The following MED1 variants were observed in gnomAD, a reference collection of about 807,000 sequenced individuals.
MED1 encodes the protein mediator of RNA polymerase II transcription subunit 1.
Under a neutral mutation model 121.3 loss-of-function variants are expected in MED1, and 17 were observed. The observed-to-expected ratio is 0.14, with a 90% confidence interval of 0.10 to 0.21. MED1 has a LOEUF of 0.21. Ranked by LOEUF, MED1 falls within the 10% of genes least tolerant of loss-of-function variation. The pLI, the probability that MED1 is intolerant of heterozygous loss-of-function variation, is 1.00. For synonymous variants in MED1, 661 were observed against 694.4 expected (o/e 0.95, Z 0.76); for missense variants, 1,558 against 1,919.4 (o/e 0.81, Z 3.52).
In MED1 at chr17:39,408,124, G is replaced by A. The variant is rs778850350; in HGVS notation, c.4097C>T (p.Ser1366Phe). 2 of 1,614,096 alleles carry A rather than the reference G, an allele frequency of 1.2e-6. No homozygotes were observed. Among genetic ancestry groups the A allele is most frequent in the South Asian group, 1.1e-5 (1 of 91,082 alleles). Reference protein sequence around the residue: ...EKSDKDKSKVSTSGSSVDSSK... With the variant: ...EKSDKDKSKVFTSGSSVDSSK... ...AGAATCCACTGAACTCCCGGAGGTG[G>A]AAACCTTTGATTTGTCTTTATCACT... The change falls in exon 17 of 17, where the codon TCC becomes TTC. Residue 1366 changes from serine (S) to phenylalanine (F), a missense_variant. Ser to Phe is a radical substitution (Grantham distance 155). Around this residue, in one of 5 missense-constraint regions of MED1, gnomAD observed 264 missense variants for 326.1 expected, o/e 0.81. Coordinates refer to ENST00000300651, the MANE Select transcript of MED1 (RefSeq NM_004774.4). This position sits in a 1 kb window ranked among gnomAD's most constrained non-coding sequence, Gnocchi z 4.7.
chr17:39,418,107 A>AAAAAAAAAC, intron 14 of MED1, among the ~76,000 whole-genome samples: 1 of 151,510 alleles, frequency 6.6e-6, no homozygotes, highest in Non-Finnish European at 1.5e-5. Flanking sequence ...AAAAAAAAAA[A>AAAAAAAAAC]AAATTCATCA....
chr17:39,449,145 T>G (rs373745351), intron 1 of MED1, among the ~76,000 whole-genome samples: 1 of 152,028 alleles, frequency 6.6e-6, no homozygotes, highest in East Asian at 1.9e-4. Flanking sequence ...CAGGATCAAG[T>G]GATCCTCCCA....
At chr17:39,412,616 G>A (rs1334460864) in intron 16 of MED1, among the ~76,000 whole-genome samples, 4 of 144,354 alleles carry the variant, frequency 2.8e-5, no homozygotes, top group African/African-American at 7.8e-5. Flanking sequence ...TTGGCTTACC[G>A]CAACTTCCGC....
rs373986057 is a variant in MED1 at position 39,415,402 on chromosome 17, G to A, written c.1298-63C>T. ...ATAAGACTTCACACAGGCTGGGCAC[G>A]GTGGCTCACGCCTGTAATCCCAGCA... is the stretch of plus-strand genomic sequence containing the variant. On this transcript the variant is annotated intron_variant, in intron 14 of 16. Transcript: ENST00000300651. The A allele has an allele frequency of 4.5e-4, 633 of 1,405,546 alleles. 1 individual carries two copies. The highest frequency in any genetic ancestry group is 6.7e-4 in the South Asian group (54 of 81,186). The allele number at this position is 1,405,546 out of a possible 1,614,324, so 87.1% of individuals were successfully genotyped here. A position where few individuals can be genotyped will look rare whatever the true frequency, so the allele number is the denominator to read the frequency against.
At chr17:39,448,037 T>G in intron 1 of MED1, 133 bp from the exon 2 acceptor site, 1 of 605,306 alleles carries the variant, frequency 1.7e-6, no homozygotes, top group Non-Finnish European at 2.9e-6. Context: ...TCATTTTACT[T>G]CAAAACATCC....
chr17:39,434,003 A>G (rs572096022), intron 7 of MED1, among the ~76,000 whole-genome samples: 29 of 152,294 alleles, frequency 1.9e-4, no homozygotes, highest in African/African-American at 6.7e-4. Flanking sequence ...TCAGCCTAGA[A>G]ATTGGAATGT....
intron 13 of MED1, among the ~76,000 whole-genome samples, chr17:39,421,893 C>T (rs1048567786): frequency 1.3e-5 from 2 of 151,808 alleles, no homozygotes; most frequent in African/African-American, 4.8e-5. Flanking sequence ...CTTTGGGAGG[C>T]CGAGGCGGGC....
intron 16 of MED1, among the ~76,000 whole-genome samples, chr17:39,412,271 C>G (rs767722047): frequency 8.8e-5 from 13 of 147,480 alleles, no homozygotes; most frequent in Non-Finnish European, 1.6e-4. Context: ...TCTTGTTGCC[C>G]AGGCTGGAGT....
At chr17:39,427,337 A>G (rs148069030) in intron 10 of MED1, 317 of 154,640 alleles carry the variant, frequency 2.0e-3, no homozygotes, top group Admixed American at 3.5e-3. Context: ...GCGTACCACC[A>G]TGCTTGGGTA....
intron 7 of MED1, among the ~76,000 whole-genome samples, chr17:39,433,755 C>T (rs955433182): frequency 6.6e-6 from 1 of 151,994 alleles, no homozygotes; most frequent in Non-Finnish European, 1.5e-5. Flanking sequence ...GACAGGGTCT[C>T]ACTATGTTGC....
intron 9 of MED1, among the ~76,000 whole-genome samples, chr17:39,428,646 T>C (rs1035662617): frequency 7.0e-6 from 1 of 143,508 alleles, no homozygotes; most frequent in East Asian, 2.2e-4. Context: ...AAAGTAAAAA[T>C]AAAAAATAAA....
intron 14 of MED1, among the ~76,000 whole-genome samples, chr17:39,415,814 CAAAAAAAAAAAAAAAAA>C (rs61614470): frequency 2.5e-5 from 1 of 40,634 alleles, no homozygotes; most frequent in African/African-American, 1.0e-4. Context: ...GACTCCATCT[CAAAAAAAAAAAAAAAAA>C]AAAAAAAAAT....
Position 39,409,315 on chromosome 17 carries a change from T to C in MED1, c.2906A>G (p.Gln969Arg), listed in dbSNP as rs2048333449. 6.2e-7 allele frequency: 1 copy of C among 1,613,982 alleles called. No homozygotes were observed. The highest frequency in any genetic ancestry group is 1.3e-5 in the African/African-American group (1 of 74,912). The stretch of plus-strand genomic sequence containing the variant: ...GCCATTGCCTTCCTTTACCCTCTTT[T>C]GAGTCTTTTCTTTCCCTAAGTCCCC... ...TTGDLGKEKT[Q>R]KRVKEGNGTS... Residue 969 changes from glutamine (Q) to arginine (R), a missense_variant, in exon 17 of 17, where the codon CAA (glutamine) becomes CGA (arginine). Around this residue, in one of 5 missense-constraint regions of MED1, gnomAD observed 793 missense variants for 898.2 expected, o/e 0.88. Coordinates refer to ENST00000300651, the MANE Select transcript of MED1 (RefSeq NM_004774.4).
chr17:39,418,847 G>A (rs1371406758), intron 14 of MED1, among the ~76,000 whole-genome samples: 1 of 151,328 alleles, frequency 6.6e-6, no homozygotes, highest in African/African-American at 2.4e-5. Context: ...GAGTACAGTG[G>A]CATGATCTAA....
intron 10 of MED1, among the ~76,000 whole-genome samples, chr17:39,427,104 AT>A (rs1426724588): frequency 6.6e-6 from 1 of 152,074 alleles, no homozygotes; most frequent in Non-Finnish European, 1.5e-5. Flanking sequence ...TTTTTAAACA[AT>A]GAGTAAGCTG....
chr17:39,426,967 T>C (rs2048520845), intron 10 of MED1, among the ~76,000 whole-genome samples: 1 of 152,082 alleles, frequency 6.6e-6, no homozygotes, highest in African/African-American at 2.4e-5. Flanking sequence ...TGGAGTACCA[T>C]GACTATTTAC....
chr17:39,419,230 G>A (rs913977722), intron 14 of MED1, among the ~76,000 whole-genome samples: 5 of 151,640 alleles, frequency 3.3e-5, no homozygotes, highest in Non-Finnish European at 7.4e-5. Context: ...GACCACAGGC[G>A]CACACCACCA....
chr17:39,423,579 T>A, intron 12 of MED1, 118 bp downstream of exon 12: 1 of 1,482,878 alleles, frequency 6.7e-7, no homozygotes, highest in African/African-American at 1.4e-5. Context: ...CACTATAACA[T>A]CTTTACCAGT....
At chr17:39,417,490 G>C (rs1202582827) in intron 14 of MED1, among the ~76,000 whole-genome samples, 2 of 151,538 alleles carry the variant, frequency 1.3e-5, no homozygotes, top group Non-Finnish European at 2.9e-5. Flanking sequence ...TTAGCCGGGC[G>C]TGATGGCGGG....
Sources: allele counts gnomAD v4.1 joint callset (sites outside exome capture counted in the v4.1 genomes callset), GRCh38; gene constraint gnomAD v4.1.1; regional missense constraint gnomAD v4.1.1; non-coding constraint Gnocchi (gnomAD v3.1); transcripts MANE v1.5; gene names NCBI Gene and HGNC (gene_info 2026-07-23, HGNC 2026-07-21).